The following ARPP21 variants were observed in gnomAD, a reference collection of about 807,000 sequenced individuals.
The protein encoded by ARPP21 is cAMP-regulated phosphoprotein 21.
A neutral mutation model predicts 113.2 loss-of-function variants in ARPP21; 69 were observed. That is an observed-to-expected ratio of 0.61 (90% CI 0.50 to 0.74). The LOEUF is 0.74. Among genes scored for constraint, ARPP21 ranks in the 30% least tolerant of loss-of-function variants. The probability of loss-of-function intolerance (pLI) is 0.00; values close to 1 mark genes in which losing one functional copy is unlikely to be tolerated. For missense variants in ARPP21, 1,070 were observed against 1,037.4 expected, an observed-to-expected ratio of 1.03 and a Z score of -0.43; for synonymous variants, 368 against 375.5, an observed-to-expected ratio of 0.98 and a Z score of 0.23.
chr3:35,713,762 C>T (rs2091848290), intron 11 of ARPP21, among the ~76,000 whole-genome samples: 2 of 152,090 alleles, frequency 1.3e-5, no homozygotes, highest in African/African-American at 4.8e-5. Context: ...TAACTCTCCC[C>T]CAAATGCTAT....
intron 5 of ARPP21, chr3:35,685,442 C>T (rs2080267538): frequency 1.5e-5 from 15 of 984,908 alleles, no homozygotes; most frequent in African/African-American, 1.8e-5. Flanking sequence ...GGCCGTGCTA[C>T]CTTTTTAGAG....
At chr3:35,729,010 T>C (rs1280062538) in intron 14 of ARPP21, among the ~76,000 whole-genome samples, 2 of 152,200 alleles carry the variant, frequency 1.3e-5, no homozygotes, top group African/African-American at 4.8e-5. Flanking sequence ...TTCAGAGCTT[T>C]AGGGTACCCT....
chr3:35,733,488 G>A (rs1032405748), intron 15 of ARPP21, among the ~76,000 whole-genome samples: 10 of 152,132 alleles, frequency 6.6e-5, no homozygotes, highest in African/African-American at 2.2e-4. Context: ...TGCTTGTGCA[G>A]TTTCTGACGT....
chr3:35,701,939 T>C (rs1692636363), intron 9 of ARPP21, among the ~76,000 whole-genome samples: 1 of 151,820 alleles, frequency 6.6e-6, no homozygotes. Context: ...GAGCATGTTC[T>C]AAATATTCAA....
At chr3:35,650,902 T>C (rs748306174) in intron 1 of ARPP21, among the ~76,000 whole-genome samples, 4 of 152,224 alleles carry the variant, frequency 2.6e-5, no homozygotes, top group Admixed American at 2.6e-4. Context: ...GAGTAAAGTA[T>C]AGAAAATACA....
At chr3:35,727,126 G>A (rs770884829) in intron 14 of ARPP21, among the ~76,000 whole-genome samples, 21 of 152,280 alleles carry the variant, frequency 1.4e-4, no homozygotes, top group Middle Eastern at 3.4e-3. Flanking sequence ...CTTAGATGGA[G>A]CATCCTGAAT....
intron 10 of ARPP21, among the ~76,000 whole-genome samples, chr3:35,707,912 C>T (rs1181226416): frequency 6.6e-6 from 1 of 151,724 alleles, no homozygotes; most frequent in Non-Finnish European, 1.5e-5. Flanking sequence ...ATATAAATGC[C>T]ATTACAATTA....
chr3:35,737,355 T>C lies in ARPP21; in HGVS notation c.1637T>C (p.Val546Ala). The C allele has an allele frequency of 6.2e-7, 1 of 1,607,732 alleles. No individual in the cohort carries two copies. Among genetic ancestry groups the C allele is most frequent in the South Asian group, 1.1e-5 (1 of 89,962 alleles). The change falls in exon 16 of 21, where the codon GTC (valine) becomes GCC (alanine). Residue 546 changes from valine (V) to alanine (A), a missense_variant. Physicochemically the swap from Val to Ala is moderately conservative, Grantham distance 64. Coordinates refer to ENST00000684406, the MANE Select transcript of ARPP21 (RefSeq NM_001385562.1). ...CAGCCACAGATGGCAGGCCCTCTGG[T>C]CACTCAGGTAGGGGGCTGGTTGGAA... is the stretch of plus-strand genomic sequence containing the variant. ...PPQPQMAGPLVTQSVQGLQAS... is the reference protein window; with the variant it reads ...PPQPQMAGPLATQSVQGLQAS...
At chr3:35,757,025 G>T (rs2095595355) in intron 19 of ARPP21, among the ~76,000 whole-genome samples, 1 of 150,640 alleles carries the variant, frequency 6.6e-6, no homozygotes, top group South Asian at 2.1e-4. Context: ...CAGTGGTGTG[G>T]TATTATGATA....
In ARPP21 at chr3:35,682,916, C is replaced by T. The variant is rs1575768315; in HGVS notation, c.171+27C>T. 2.5e-6 allele frequency: 4 copies of T among 1,576,470 alleles called. No homozygotes were observed. In the East Asian group the frequency reaches 9.0e-5, roughly 36 times the overall value. ...TAGGGTTCTTAACATTCTAGGTAGA[C>T]CTGATATCATGGGTATAAATTACAT... On this transcript the variant is annotated intron_variant, in intron 4 of 20. Coordinates refer to ENST00000684406, the MANE Select transcript of ARPP21 (RefSeq NM_001385562.1).
intron 15 of ARPP21, among the ~76,000 whole-genome samples, chr3:35,731,945 T>C (rs1431766676): frequency 1.3e-5 from 2 of 152,208 alleles, no homozygotes; most frequent in African/African-American, 4.8e-5. Flanking sequence ...AGAGGAGCCA[T>C]ACTTAGTTAT....
intron 1 of ARPP21, among the ~76,000 whole-genome samples, chr3:35,659,106 G>A (rs1211048404): frequency 2.0e-5 from 3 of 152,142 alleles, no homozygotes; most frequent in Non-Finnish European, 4.4e-5. Flanking sequence ...CAAGACATGA[G>A]CTATGTATAT....
chr3:35,774,962 C>T (rs1397967604), intron 19 of ARPP21: 6 of 152,098 alleles, frequency 3.9e-5, no homozygotes, highest in African/African-American at 1.4e-4. Context: ...GAAAACTAAG[C>T]AGCAGTTCCT....
chr3:35,682,241 A>G (rs1431405249), intron 3 of ARPP21, among the ~76,000 whole-genome samples: 1 of 151,856 alleles, frequency 6.6e-6, no homozygotes, highest in East Asian at 1.9e-4. Flanking sequence ...TGAAGACTCA[A>G]TTCATGGTAA....
intron 19 of ARPP21, among the ~76,000 whole-genome samples, chr3:35,752,591 A>G (rs1288501632): frequency 6.6e-6 from 1 of 152,084 alleles, no homozygotes; most frequent in Non-Finnish European, 1.5e-5. Context: ...GAAGGTTACT[A>G]TAACCAGGGT....
intron 1 of ARPP21, among the ~76,000 whole-genome samples, chr3:35,668,663 C>T (rs991629495): frequency 9.8e-4 from 149 of 152,266 alleles, no homozygotes; most frequent in African/African-American, 3.3e-3. Context: ...TATCTATGCA[C>T]ACACATAAAT....
Position 35,681,768 on chromosome 3 carries a change from A to G in ARPP21, c.17A>G (p.Asp6Gly). 6.2e-7 allele frequency: 1 copy of G among 1,611,166 alleles called. No homozygotes were observed. The highest frequency in any genetic ancestry group is 8.5e-7 in the Non-Finnish European group (1 of 1,178,076). Residue 6 changes from aspartate (D) to glycine (G), a missense_variant, in exon 3 of 21, where the codon GAC (aspartate) becomes GGC (glycine). Asp to Gly is a moderately conservative substitution (Grantham distance 94). Coordinates refer to ENST00000684406, the MANE Select transcript of ARPP21 (RefSeq NM_001385562.1). The stretch of plus-strand genomic sequence containing the variant: ...TCTGGGAGAATGTCTGAGCAAGGAG[A>G]CCTGAATCAGGCAATAGCAGAGGAA... MSEQGDLNQAIAEEGG... is the reference protein window; with the variant it reads MSEQGGLNQAIAEEGG...
intron 10 of ARPP21, chr3:35,707,357 C>A: frequency 1.7e-6 from 1 of 602,318 alleles, no homozygotes; most frequent in Non-Finnish European, 3.1e-6. Flanking sequence ...CTGGGAGGGT[C>A]GGGATGCCAC....
intron 1 of ARPP21, among the ~76,000 whole-genome samples, chr3:35,662,566 G>A (rs974691159): frequency 6.6e-6 from 1 of 152,150 alleles, no homozygotes; most frequent in Non-Finnish European, 1.5e-5. Flanking sequence ...AGAGGATGAG[G>A]ACAGCCTCTG....
Sources: allele counts gnomAD v4.1 joint callset (sites outside exome capture counted in the v4.1 genomes callset), GRCh38; gene constraint gnomAD v4.1.1; transcripts MANE v1.5; gene names NCBI Gene and HGNC (gene_info 2026-07-23, HGNC 2026-07-21).